The following IPO11 variants were observed in gnomAD, a reference collection of about 807,000 sequenced individuals.
IPO11 encodes the protein importin 11.
A neutral mutation model predicts 143.2 loss-of-function variants in IPO11; 66 were observed. The observed-to-expected ratio is 0.46, with a 90% CI of 0.38 to 0.57. The LOEUF is 0.57. Among genes scored for constraint, IPO11 ranks in the 20% least tolerant of loss-of-function variants. The pLI is 0.00. For missense variants in IPO11, 1,026 were observed against 1,141.0 expected (o/e 0.90, Z 1.45); for synonymous variants, 385 against 377.8 (o/e 1.02, Z -0.22).
rs1433688104 is a variant in IPO11, at chr5:62,506,346, G to A, written c.1771G>A (p.Val591Ile). Residue 591 changes from valine (V) to isoleucine (I), a missense_variant, in exon 19 of 30, where the codon GTC becomes ATC. This residue lies in a region of IPO11 where 237 missense variants were observed against 288.0 expected (regional missense o/e 0.82). Coordinates refer to ENST00000325324, the MANE Select transcript of IPO11 (RefSeq NM_016338.5). ...LHVLSCVIER[V>I]NMQIRPYVGC... ...TGTCCTTTCTTGTGTGATCGAAAGA[G>A]TCAACATGCAGGTAATTATATTGTA... is the stretch of plus-strand genomic sequence containing the variant. 4 of 1,573,432 alleles carry A rather than the reference G, an allele frequency of 2.5e-6. No homozygotes were observed. Among genetic ancestry groups the A allele is most frequent in the Non-Finnish European group, 3.5e-6 (4 of 1,145,764 alleles).
intron 29 of IPO11, among the ~76,000 whole-genome samples, chr5:62,615,245 G>A (rs923570694): frequency 3.3e-5 from 5 of 152,172 alleles, no homozygotes; most frequent in Admixed American, 6.5e-5. Context: ...CAGTATTTCC[G>A]TTTTCTGTCT....
rs372385033 is a variant in IPO11 at position 62,510,225 on chromosome 5, C to T, written c.1782+3868C>T. On this transcript the variant is annotated intron_variant, in intron 19 of 29. Coordinates refer to ENST00000325324, the MANE Select transcript of IPO11 (RefSeq NM_016338.5). ...ATTGAAATTGTCCTTCCCTTAAAAC[C>T]TTTGTATTATAATCTTATTCAGAAT... Among the ~76,000 whole-genome samples the T allele has an allele frequency of 2.6e-5, 4 of 152,130 alleles. No individual in the cohort carries two copies. The East Asian group carries it at 5.8e-4, about 22-fold the overall frequency.
At position 62,627,367 on chromosome 5, in the gene IPO11, C is replaced by T. The variant is rs1271442020; in HGVS notation, c.*49C>T. On this transcript the variant is annotated 3_prime_UTR_variant, in exon 30 of 30. Transcript: ENST00000325324. ...CCCCTTTCAGAAACAAGCTGAGTAA[C>T]CCAGCCTGCCGTTTGTATGTGAGAG... The T allele has an allele frequency of 8.3e-6, 13 of 1,560,846 alleles. No individual in the cohort carries two copies. The highest frequency in any genetic ancestry group is 1.1e-5 in the Non-Finnish European group (13 of 1,143,346).
chr5:62,469,739 T>C (rs2112197572), intron 6 of IPO11, among the ~76,000 whole-genome samples: 1 of 152,288 alleles, frequency 6.6e-6, no homozygotes, highest in South Asian at 2.1e-4. Context: ...ATCCTGCTTA[T>C]CTCTCTGTGT....
intron 1 of IPO11, among the ~76,000 whole-genome samples, chr5:62,435,208 ATG>A (rs77728374): frequency 0.076 from 5,387 of 70,486 alleles, 566 homozygotes; most frequent in East Asian, 0.23. Context: ...ATGTATATAT[ATG>A]TGTATATATA....
chr5:62,424,499 C>G (rs537462997), intron 1 of IPO11, among the ~76,000 whole-genome samples: 32 of 127,286 alleles, frequency 2.5e-4, no homozygotes, highest in African/African-American at 9.7e-4. Context: ...ATGGCGTGAT[C>G]TTGGCTCACT....
chr5:62,598,540 CTTTCTTTTCTTTCTTTTTT>C, intron 28 of IPO11, among the ~76,000 whole-genome samples: 1 of 16,734 alleles, frequency 6.0e-5, no homozygotes, highest in Admixed American at 8.2e-4. Flanking sequence ...TCTTTCTTTT[CTTTCTTTTCTTTCTTTTTT>C]TTTTTTATGG....
At chr5:62,443,297 AAG>A (rs1744565996) in intron 3 of IPO11, 1 of 438,546 alleles carries the variant, frequency 2.3e-6, no homozygotes, top group African/African-American at 2.0e-5. Flanking sequence ...AATGCAAAAA[AAG>A]TGTTTACTAC....
intron 29 of IPO11, among the ~76,000 whole-genome samples, chr5:62,618,128 A>G (rs565252538): frequency 7.9e-5 from 12 of 152,314 alleles, no homozygotes; most frequent in Admixed American, 2.0e-4. Context: ...CTGGTTTCTT[A>G]GAACAGAAAT....
chr5:62,591,800 C>T lies in IPO11; in HGVS notation c.2678+128C>T, dbSNP rs887132073. On this transcript the variant is annotated intron_variant, in intron 28 of 29. Transcript: ENST00000325324. ...TTATAATTTCTCTTTTATACAGAAA[C>T]GTTTTTGTTATTTTGCTTGTAATAT... The T allele has an allele frequency of 7.4e-5, 39 of 530,002 alleles. 1 individual carries two copies. In the South Asian group the frequency reaches 1.1e-3, roughly 15 times the overall value. 32.8% of individuals were successfully genotyped at this position (530,002 alleles called of 1,614,324 possible).
At chr5:62,556,626 G>A (rs1018080403) in intron 26 of IPO11, among the ~76,000 whole-genome samples, 3 of 152,074 alleles carry the variant, frequency 2.0e-5, no homozygotes, top group African/African-American at 4.8e-5. Context: ...ACTTAGCTGT[G>A]ATCACTGCAC....
At chr5:62,608,998 C>A (rs1375231281) in intron 29 of IPO11, among the ~76,000 whole-genome samples, 2 of 152,174 alleles carry the variant, frequency 1.3e-5, no homozygotes, top group African/African-American at 4.8e-5. Context: ...AGGACTCATA[C>A]ACTGTGTAGC....
intron 1 of IPO11, among the ~76,000 whole-genome samples, chr5:62,433,939 G>A (rs1561308165): frequency 6.6e-6 from 1 of 152,054 alleles, no homozygotes; most frequent in African/African-American, 2.4e-5. Context: ...ATGAGTTCTG[G>A]TAGAGCTTTT....
intron 24 of IPO11, among the ~76,000 whole-genome samples, chr5:62,545,850 C>T (rs1020676013): frequency 4.6e-5 from 7 of 152,176 alleles, no homozygotes; most frequent in African/African-American, 1.7e-4. Flanking sequence ...TGAAAAAATG[C>T]CCATCATCAC....
At chr5:62,604,045 T>C (rs547046522) in intron 29 of IPO11, among the ~76,000 whole-genome samples, 1 of 152,214 alleles carries the variant, frequency 6.6e-6, no homozygotes, top group Non-Finnish European at 1.5e-5. Flanking sequence ...CTAGGTGTAT[T>C]GTAGGCTGTA....
chr5:62,491,770 G>A (rs894977221), intron 15 of IPO11, among the ~76,000 whole-genome samples: 12 of 149,942 alleles, frequency 8.0e-5, no homozygotes, highest in Admixed American at 1.3e-4. Flanking sequence ...GGTTCATGCC[G>A]TTCTCCTGCC....
chr5:62,521,308 T>C (rs1742193717), intron 20 of IPO11, among the ~76,000 whole-genome samples: 1 of 152,196 alleles, frequency 6.6e-6, no homozygotes, highest in Non-Finnish European at 1.5e-5. Context: ...TGTGCGAAAA[T>C]GTCTTCATTC....
At chr5:62,518,443 C>CAAAA (rs34612879) in intron 20 of IPO11, among the ~76,000 whole-genome samples, 1 of 132,690 alleles carries the variant, frequency 7.5e-6, no homozygotes, top group Admixed American at 7.7e-5. Context: ...GACTCTGTCT[C>CAAAA]AAAAAAAAAA....
chr5:62,544,744 T>A (rs1743094814), intron 24 of IPO11, among the ~76,000 whole-genome samples: 1 of 152,162 alleles, frequency 6.6e-6, no homozygotes, highest in Non-Finnish European at 1.5e-5. Context: ...ATAAGCAACT[T>A]CAGCAAAATC....
Sources: gnomAD v4.1 joint callset for allele counts (sites outside exome capture counted in the v4.1 genomes callset) on GRCh38, gnomAD v4.1.1 for gene constraint, gnomAD v4.1.1 regional missense constraint, MANE v1.5 for transcripts, NCBI Gene and HGNC (gene_info 2026-07-23, HGNC 2026-07-21) for gene names.